The following CYP46A1 variants were observed in gnomAD, a reference collection of about 807,000 sequenced individuals.
CYP46A1 encodes cytochrome P450 family 46 subfamily A member 1.
A neutral mutation model predicts 63.3 loss-of-function variants in CYP46A1; 20 were observed. That is an observed-to-expected ratio of 0.32 (90% CI 0.22 to 0.46). The LOEUF (loss-of-function observed/expected upper bound fraction) is 0.46. CYP46A1 is among the 20% of genes least tolerant of loss of function. The pLI, the probability that CYP46A1 is intolerant of heterozygous loss-of-function variation, is 1.00. For synonymous variants in CYP46A1, 268 were observed against 273.6 expected, an observed-to-expected ratio of 0.98 and a Z score of 0.20; for missense variants, 445 against 670.8, an observed-to-expected ratio of 0.66 and a Z score of 3.72.
At chr14:99,719,747 CT>C (rs1000210437) in intron 10 of CYP46A1, among the ~76,000 whole-genome samples, 4 of 137,488 alleles carry the variant, frequency 2.9e-5, no homozygotes, top group South Asian at 2.4e-4. Flanking sequence ...AACTCCCTTC[CT>C]TTTTTTTCTT....
At chr14:99,688,572 C>T (rs2056515773) in intron 1 of CYP46A1, among the ~76,000 whole-genome samples, 1 of 152,118 alleles carries the variant, frequency 6.6e-6, no homozygotes, top group African/African-American at 2.4e-5. Flanking sequence ...GTCCTAGGAG[C>T]ACCCCCACCT....
chr14:99,690,007 A>G (rs894473810), intron 1 of CYP46A1, among the ~76,000 whole-genome samples: 4 of 152,200 alleles, frequency 2.6e-5, no homozygotes, highest in Non-Finnish European at 5.9e-5. Context: ...GTTTCCCTCA[A>G]GTACTCTGCC....
chr14:99,707,789 T>G, intron 7 of CYP46A1, 111 bp downstream of exon 7: 1 of 840,034 alleles, frequency 1.2e-6, no homozygotes, highest in Non-Finnish European at 1.9e-6. Flanking sequence ...GGTTTTGAGT[T>G]CTGGTATGTC....
chr14:99,692,905 G>T (rs2056556212), intron 3 of CYP46A1, among the ~76,000 whole-genome samples: 1 of 152,168 alleles, frequency 6.6e-6, no homozygotes, highest in African/African-American at 2.4e-5. Context: ...TGCCATGAAG[G>T]TTCCAAGAAT....
intron 12 of CYP46A1, among the ~76,000 whole-genome samples, chr14:99,723,369 C>T (rs1311485470): frequency 3.9e-5 from 6 of 152,186 alleles, no homozygotes; most frequent in Non-Finnish European, 7.3e-5. Context: ...AGTGCAGTGG[C>T]GCCATCTCGG....
intron 5 of CYP46A1, among the ~76,000 whole-genome samples, chr14:99,705,402 G>A (rs957786186): frequency 1.6e-4 from 21 of 135,398 alleles, no homozygotes; most frequent in African/African-American, 5.3e-4. Context: ...TGCAGAGACG[G>A]AGTCTTGCTG....
intron 5 of CYP46A1, among the ~76,000 whole-genome samples, chr14:99,705,704 A>G (rs1387901198): frequency 1.3e-5 from 2 of 152,184 alleles, no homozygotes; most frequent in East Asian, 1.9e-4. Context: ...AGGTGGGTGG[A>G]TCATGAGGTC....
At chr14:99,706,438 T>A (rs2056676588) in intron 5 of CYP46A1, 2 of 578,256 alleles carry the variant, frequency 3.5e-6, no homozygotes, top group South Asian at 4.1e-5. Flanking sequence ...GCATCCATCC[T>A]GAGTGGAGGA....
chr14:99,702,620 T>G (rs2056641625), intron 5 of CYP46A1, among the ~76,000 whole-genome samples: 1 of 152,142 alleles, frequency 6.6e-6, no homozygotes, highest in African/African-American at 2.4e-5. Flanking sequence ...ATTTATTATT[T>G]AAATCACCAT....
intron 5 of CYP46A1, chr14:99,706,089 T>G (rs1277658734): frequency 6.6e-6 from 1 of 152,668 alleles, no homozygotes; most frequent in Non-Finnish European, 1.5e-5. Flanking sequence ...TCCATATCTC[T>G]TTCTAAGCTC....
At chr14:99,700,130 C>T in intron 5 of CYP46A1, 29 bp downstream of exon 5, 2 of 1,565,096 alleles carry the variant, frequency 1.3e-6, no homozygotes, top group South Asian at 1.1e-5. Context: ...TCCGTGGCTC[C>T]TGCCTGGCCA....
chr14:99,699,890 C>T (rs1306475910), intron 4 of CYP46A1, 125 bp from the exon 5 acceptor site: 23 of 672,682 alleles, frequency 3.4e-5, no homozygotes, highest in Non-Finnish European at 5.6e-5. Flanking sequence ...CACAATGTGG[C>T]GCAACCGTCG....
intron 12 of CYP46A1, among the ~76,000 whole-genome samples, chr14:99,724,026 G>A (rs1160894856): frequency 6.6e-6 from 1 of 152,130 alleles, no homozygotes; most frequent in Non-Finnish European, 1.5e-5. Flanking sequence ...CTCACTCCTT[G>A]GTGTGCAGAC....
chr14:99,691,837 C>T lies in CYP46A1; in HGVS notation c.258C>T (p.Ile86=), dbSNP rs751135557. Residue 86 remains isoleucine (I), a synonymous_variant, in exon 3 of 15, where the codon ATC becomes ATT. Coordinates refer to ENST00000261835, the MANE Select transcript of CYP46A1 (RefSeq NM_006668.2). ...RVNVFHKTSV[I]VTSPESVKKF... is the part of the protein sequence containing the mutation. ...ACGTCTTCCACAAAACCTCAGTCAT[C>T]GTCACGAGTCCTGAGTCGGTTAAGG... 17 of 1,614,070 alleles carry T rather than the reference C, an allele frequency of 1.1e-5. 1 individual carries two copies. Among genetic ancestry groups the T allele is most frequent in the South Asian group, 6.6e-5 (6 of 91,094 alleles).
intron 10 of CYP46A1, among the ~76,000 whole-genome samples, chr14:99,720,892 C>G (rs112983740): frequency 6.6e-6 from 1 of 151,656 alleles, no homozygotes; most frequent in African/African-American, 2.4e-5. Context: ...CAAGACCAGC[C>G]TGGCCAACAT....
At chr14:99,688,832 C>A (rs966435906) in intron 1 of CYP46A1, among the ~76,000 whole-genome samples, 1 of 152,092 alleles carries the variant, frequency 6.6e-6, no homozygotes, top group Admixed American at 6.5e-5. Context: ...GTTGTCGCAC[C>A]CAGCCGTCAG....
rs372048413 is a variant in CYP46A1, at chr14:99,721,913, C to G, written c.1066-43C>G. 59 of 1,528,880 alleles carry G rather than the reference C, an allele frequency of 3.9e-5. No individual in the cohort carries two copies. The African/African-American group carries it at 4.9e-4, about 13-fold the overall frequency. The allele number at this position is 1,528,880 out of a possible 1,614,324, so 94.7% of individuals were successfully genotyped here. Reference sequence around the variant, plus strand: ...GCCGCCGGCCGGCATGATCTGTGGCCTCTCCCGACTCTCCTTGTTATCTCC... The same window carrying G: ...GCCGCCGGCCGGCATGATCTGTGGCGTCTCCCGACTCTCCTTGTTATCTCC... On this transcript the variant is annotated intron_variant, in intron 11 of 14. Transcript: ENST00000261835.
At chr14:99,686,458 G>C (rs920179098) in intron 1 of CYP46A1, among the ~76,000 whole-genome samples, 2 of 152,086 alleles carry the variant, frequency 1.3e-5, no homozygotes, top group Non-Finnish European at 2.9e-5. Context: ...GAACTGTTTT[G>C]TCACCCCAGA....
At chr14:99,691,257 C>T in intron 2 of CYP46A1, 96 bp downstream of exon 2, 2 of 1,238,622 alleles carry the variant, frequency 1.6e-6, no homozygotes. Flanking sequence ...GCCTCACCTT[C>T]CCCTAGCCCA....
Sources: gnomAD v4.1 joint callset for allele counts (sites outside exome capture counted in the v4.1 genomes callset) on GRCh38, gnomAD v4.1.1 for gene constraint, MANE v1.5 for transcripts, NCBI Gene and HGNC (gene_info 2026-07-23, HGNC 2026-07-21) for gene names.